The following EMB variants were observed in gnomAD, a reference collection of about 807,000 sequenced individuals.
EMB encodes embigin homolog.
A neutral mutation model predicts 41.4 loss-of-function variants in EMB; 31 were observed. The ratio of observed to expected loss-of-function variants is 0.75; its 90% confidence interval spans 0.56 to 1.01. The LOEUF is 1.01. Among genes scored for constraint, EMB ranks in the 50% least tolerant of loss-of-function variants. The pLI is 0.00. For synonymous variants in EMB, 137 were observed against 140.4 expected, an observed-to-expected ratio of 0.98 and a Z score of 0.17; for missense variants, 379 against 388.3, an observed-to-expected ratio of 0.98 and a Z score of 0.20.
intron 1 of EMB, 191 bp from the exon 2 acceptor site, chr5:50,428,418 ATT>A: frequency 8.2e-7 from 1 of 1,213,414 alleles, no homozygotes; most frequent in Non-Finnish European, 1.0e-6. Flanking sequence ...AAAAATTCTG[ATT>A]TTTTTTCTTT....
upstream of EMB, among the ~76,000 whole-genome samples, chr5:50,441,572 T>A (rs745401802): frequency 6.6e-6 from 1 of 152,176 alleles, no homozygotes; most frequent in Admixed American, 6.5e-5. Flanking sequence ...TTCACTAATT[T>A]GCTTTGATGG....
chr5:50,417,012 T>C (rs1745440687), intron 2 of EMB, among the ~76,000 whole-genome samples: 1 of 152,172 alleles, frequency 6.6e-6, no homozygotes, highest in African/African-American at 2.4e-5. Context: ...GGGGTACCCC[T>C]GCTCTGAAGG....
chr5:50,434,979 T>C (rs530289975), intron 1 of EMB, among the ~76,000 whole-genome samples: 1 of 152,350 alleles, frequency 6.6e-6, no homozygotes, highest in South Asian at 2.1e-4. Context: ...GATTACACTT[T>C]AGAACAAATA....
chr5:50,402,108 TGAA>T (rs756062347), intron 7 of EMB, among the ~76,000 whole-genome samples, 175 bp downstream of exon 7: 29 of 152,038 alleles, frequency 1.9e-4, no homozygotes, highest in African/African-American at 6.3e-4. Flanking sequence ...TAGTAAGTGA[TGAA>T]GAAGAATTCT....
chr5:50,426,477 T>C (rs1745612179), intron 2 of EMB, among the ~76,000 whole-genome samples: 1 of 152,216 alleles, frequency 6.6e-6, no homozygotes, highest in African/African-American at 2.4e-5. Flanking sequence ...GGCACAAGAA[T>C]CCATATGTTT....
At chr5:50,428,405 G>T (rs1745657488) in intron 1 of EMB, 178 bp from the exon 2 acceptor site, 2 of 1,205,934 alleles carry the variant, frequency 1.7e-6, no homozygotes, top group Admixed American at 8.3e-5. Flanking sequence ...TATTAAATGT[G>T]AAAAAAATTC....
In EMB at chr5:50,397,276, C is replaced by T. The variant is rs1471818287; in HGVS notation, c.*1997G>A. ...CAACAGTGGTAATTTTCTGGAAGTC[C>T]TCCAGAGAGACTACAAAAAGCCAAA... On this transcript the variant is annotated 3_prime_UTR_variant, in exon 9 of 9. Coordinates refer to ENST00000303221, the MANE Select transcript of EMB (RefSeq NM_198449.3). 6.6e-6 allele frequency: 1 copy of T among 152,000 alleles called. No individual in the cohort carries two copies. Among genetic ancestry groups the T allele is most frequent in the African/African-American group, 2.4e-5 (1 of 41,390 alleles). 9.4% of individuals were successfully genotyped at this position (152,000 alleles called of 1,614,324 possible). A position where few individuals can be genotyped will look rare whatever the true frequency, so the allele number is the denominator to read the frequency against.
chr5:50,412,600 C>G (rs1421897054), intron 2 of EMB, among the ~76,000 whole-genome samples: 3 of 151,784 alleles, frequency 2.0e-5, no homozygotes, highest in African/African-American at 7.3e-5. Flanking sequence ...CTCTCCTTAC[C>G]CTACTAAGAT....
At chr5:50,404,615 C>A (rs1229698320) in intron 5 of EMB, among the ~76,000 whole-genome samples, 1 of 151,894 alleles carries the variant, frequency 6.6e-6, no homozygotes, top group Non-Finnish European at 1.5e-5. Flanking sequence ...TAATGTTTTT[C>A]ACATATTGTT....
intron 5 of EMB, among the ~76,000 whole-genome samples, chr5:50,404,281 G>A (rs542340008): frequency 6.6e-4 from 100 of 151,858 alleles, no homozygotes; most frequent in African/African-American, 2.2e-3. Flanking sequence ...TATATTATTC[G>A]TGCAAAAAAA....
chr5:50,415,667 T>C lies in EMB; in HGVS notation c.197-4284A>G, dbSNP rs1490874117. Among the ~76,000 whole-genome samples the C allele has an allele frequency of 1.6e-4, 25 of 152,144 alleles. 1 individual carries two copies. Among genetic ancestry groups the C allele is most frequent in the Admixed American group, 1.5e-3 (23 of 15,268 alleles). On this transcript the variant is annotated intron_variant, in intron 2 of 8. Transcript: ENST00000303221. ...CAAAGAGAGGCTATTTTGTCTAAGA[T>C]TACACATCAAGACAAAGGCAACACT...
At chr5:50,433,349 A>G (rs1745754981) in intron 1 of EMB, among the ~76,000 whole-genome samples, 1 of 126,506 alleles carries the variant, frequency 7.9e-6, no homozygotes, top group Middle Eastern at 3.7e-3. Flanking sequence ...CTCTTTAAAA[A>G]AATATAATTT....
intron 2 of EMB, among the ~76,000 whole-genome samples, chr5:50,414,530 A>C (rs1411245388): frequency 2.6e-5 from 2 of 76,318 alleles, no homozygotes; most frequent in African/African-American, 1.3e-4. Flanking sequence ...GTCTCAGGCA[A>C]AAAAAAAAAA....
chr5:50,425,120 TTCTTCTCAA>T (rs1479594779), intron 2 of EMB, among the ~76,000 whole-genome samples: 1 of 152,212 alleles, frequency 6.6e-6, no homozygotes, highest in African/African-American at 2.4e-5. Context: ...ACTTCTTTTC[TTCTTCTCAA>T]TCTTCTCAAT....
chr5:50,401,308 GAAT>G (rs1269090083), intron 7 of EMB, among the ~76,000 whole-genome samples: 2 of 151,984 alleles, frequency 1.3e-5, no homozygotes, highest in Non-Finnish European at 2.9e-5. Context: ...ATGATTATCT[GAAT>G]AATGTCTACA....
upstream of EMB, chr5:50,442,869 T>C (rs796691439): frequency 1.3e-5 from 2 of 152,280 alleles, no homozygotes; most frequent in African/African-American, 4.8e-5. Context: ...TCTCATAAAA[T>C]CCTTAGACAC....
chr5:50,419,265 C>T (rs771379061), intron 2 of EMB, among the ~76,000 whole-genome samples: 7 of 152,022 alleles, frequency 4.6e-5, no homozygotes, highest in Non-Finnish European at 7.4e-5. Context: ...CATCTCAAGC[C>T]ATAACAACTT....
intron 2 of EMB, among the ~76,000 whole-genome samples, chr5:50,417,094 C>A (rs1244464745): frequency 1.3e-5 from 2 of 152,302 alleles, no homozygotes; most frequent in South Asian, 2.1e-4. Context: ...CTCTTGAATT[C>A]TTTCCTGAGC....
intron 1 of EMB, among the ~76,000 whole-genome samples, chr5:50,430,650 T>C (rs1425531739): frequency 1.3e-5 from 2 of 152,226 alleles, no homozygotes; most frequent in South Asian, 2.1e-4. Flanking sequence ...TAATGCATAG[T>C]ATATAACTAT....
Sources: allele counts gnomAD v4.1 joint callset (sites outside exome capture counted in the v4.1 genomes callset), GRCh38; gene constraint gnomAD v4.1.1; transcripts MANE v1.5; gene names NCBI Gene and HGNC (gene_info 2026-07-23, HGNC 2026-07-21).